SLCO1A2: variants seen among roughly 807,000 people sequenced by gnomAD.
SLCO1A2 encodes the protein solute carrier organic anion transporter family member 1A2.
SLCO1A2 carries 67 observed loss-of-function variants against 69.0 expected under a neutral mutation model. The ratio of observed to expected loss-of-function variants is 0.97; its 90% CI spans 0.80 to 1.19. SLCO1A2 has a LOEUF of 1.19. SLCO1A2 is among the 50% of genes most tolerant of loss of function. The probability of loss-of-function intolerance (pLI) is 0.00; values close to 1 mark genes in which losing one functional copy is unlikely to be tolerated. For missense variants in SLCO1A2, 787 were observed against 793.7 expected (o/e 0.99, Z 0.10); for synonymous variants, 260 against 265.9 (o/e 0.98, Z 0.22).
intron 2 of SLCO1A2, among the ~76,000 whole-genome samples, chr12:21,346,952 T>C (rs1011582602): frequency 6.6e-6 from 1 of 152,096 alleles, no homozygotes; most frequent in Admixed American, 6.6e-5. Context: ...TGAGTCTATG[T>C]TCGGATTTGT....
At chr12:21,365,461 C>T (rs535578499) in intron 2 of SLCO1A2, among the ~76,000 whole-genome samples, 1 of 152,282 alleles carries the variant, frequency 6.6e-6, no homozygotes, top group South Asian at 2.1e-4. Context: ...AAAACCTAGG[C>T]CATACCATTC....
At chr12:21,381,420 C>A (rs1267686782) in intron 1 of SLCO1A2, among the ~76,000 whole-genome samples, 4 of 152,058 alleles carry the variant, frequency 2.6e-5, no homozygotes, top group Non-Finnish European at 4.4e-5. Context: ...AAAAAATGCG[C>A]AACATCACTA....
At chr12:21,327,318 T>A (rs1324380170) in intron 2 of SLCO1A2, among the ~76,000 whole-genome samples, 1 of 152,082 alleles carries the variant, frequency 6.6e-6, no homozygotes. Flanking sequence ...GCTAGGGCAG[T>A]GTGGAAGGGA....
At chr12:21,350,954 C>T (rs1845540699) in intron 2 of SLCO1A2, among the ~76,000 whole-genome samples, 1 of 145,846 alleles carries the variant, frequency 6.9e-6, no homozygotes, top group Non-Finnish European at 1.5e-5. Flanking sequence ...TAAGCATATA[C>T]TGCGTAACTT....
chr12:21,381,165 G>A (rs1313475236), intron 1 of SLCO1A2, among the ~76,000 whole-genome samples: 1 of 151,992 alleles, frequency 6.6e-6, no homozygotes, highest in East Asian at 1.9e-4. Context: ...ATAAATAAAT[G>A]GGATGTAATT....
chr12:21,407,820 TG>T (rs71450721), intron 1 of SLCO1A2, among the ~76,000 whole-genome samples: 14 of 105,268 alleles, frequency 1.3e-4, no homozygotes, highest in African/African-American at 2.3e-4. Context: ...TAAAAATAAA[TG>T]AAAAAAAAAA....
intron 2 of SLCO1A2, among the ~76,000 whole-genome samples, chr12:21,365,084 G>A (rs890457405): frequency 1.6e-4 from 25 of 152,258 alleles, no homozygotes; most frequent in Admixed American, 1.5e-3. Context: ...AGCTCTCATT[G>A]CCAATACGAT....
intron 7 of SLCO1A2, 86 bp from the exon 8 acceptor site, chr12:21,300,655 G>T (rs1394969261): frequency 1.1e-5 from 12 of 1,075,820 alleles, no homozygotes; most frequent in Non-Finnish European, 1.3e-5. Flanking sequence ...AGAATTATCG[G>T]GTCCCAACCA....
At chr12:21,329,009 C>T (rs563283785) in intron 2 of SLCO1A2, among the ~76,000 whole-genome samples, 1 of 152,218 alleles carries the variant, frequency 6.6e-6, no homozygotes, top group Admixed American at 6.5e-5. Flanking sequence ...GTAAACAGAC[C>T]TTACAGTAGC....
At chr12:21,292,712 T>C (rs974652591) in intron 11 of SLCO1A2, among the ~76,000 whole-genome samples, 7 of 152,002 alleles carry the variant, frequency 4.6e-5, no homozygotes, top group Non-Finnish European at 1.0e-4. Context: ...TCTCCTGCCC[T>C]AGCCTCTGGG....
chr12:21,395,739 G>T (rs1371801566), upstream of SLCO1A2, among the ~76,000 whole-genome samples: 3 of 152,148 alleles, frequency 2.0e-5, no homozygotes, highest in Non-Finnish European at 2.9e-5. Flanking sequence ...AGCCTAACTG[G>T]GAGGCACCCC....
intron 2 of SLCO1A2, among the ~76,000 whole-genome samples, chr12:21,360,615 G>T (rs1441309773): frequency 6.6e-6 from 1 of 152,210 alleles, no homozygotes; most frequent in Non-Finnish European, 1.5e-5. Flanking sequence ...AGCACAAGGG[G>T]TGGGGGAATT....
intron 1 of SLCO1A2, among the ~76,000 whole-genome samples, chr12:21,391,584 G>A (rs1205058338): frequency 1.3e-5 from 2 of 152,042 alleles, no homozygotes; most frequent in Non-Finnish European, 2.9e-5. Context: ...GTAAGTGCAG[G>A]TACCTTGAAC....
chr12:21,356,800 G>T (rs1938403069), intron 2 of SLCO1A2, among the ~76,000 whole-genome samples: 1 of 151,968 alleles, frequency 6.6e-6, no homozygotes, highest in Admixed American at 6.6e-5. Context: ...GTATAAAGAA[G>T]GATTTGTAAG....
At chr12:21,272,375 C>T (rs1943035891) in intron 14 of SLCO1A2, among the ~76,000 whole-genome samples, 1 of 151,556 alleles carries the variant, frequency 6.6e-6, no homozygotes, top group Admixed American at 6.6e-5. Flanking sequence ...ATTTGTGGGA[C>T]AAGTATATTG....
At chr12:21,383,806 C>G (rs1940731885) in intron 1 of SLCO1A2, among the ~76,000 whole-genome samples, 1 of 152,058 alleles carries the variant, frequency 6.6e-6, no homozygotes, top group Non-Finnish European at 1.5e-5. Context: ...CCCCATCCAG[C>G]CTGTAAACTA....
chr12:21,286,072 C>T (rs1313859104), intron 12 of SLCO1A2, among the ~76,000 whole-genome samples: 3 of 151,294 alleles, frequency 2.0e-5, no homozygotes, highest in African/African-American at 7.3e-5. Context: ...TCAAATTGTC[C>T]CTGTTTGCAG....
At chr12:21,274,734 TA>T in intron 13 of SLCO1A2, 148 bp from the exon 14 acceptor site, 1 of 729,746 alleles carries the variant, frequency 1.4e-6, no homozygotes, top group Non-Finnish European at 2.2e-6. Flanking sequence ...AATGATGAGT[TA>T]CTTTTACTGT....
upstream of SLCO1A2, among the ~76,000 whole-genome samples, chr12:21,336,361 T>C (rs1023536497): frequency 6.6e-6 from 1 of 152,016 alleles, no homozygotes; most frequent in Non-Finnish European, 1.5e-5. Flanking sequence ...GGGAATTCTA[T>C]ATAGTTCCCT....
Sources: gnomAD v4.1 joint callset for allele counts (sites outside exome capture counted in the v4.1 genomes callset) on GRCh38, gnomAD v4.1.1 for gene constraint, MANE v1.5 for transcripts, NCBI Gene and HGNC (gene_info 2026-07-23, HGNC 2026-07-21) for gene names.